CEP63: variants seen among roughly 807,000 people sequenced by gnomAD.
CEP63 encodes centrosomal protein of 63 kDa.
A neutral mutation model predicts 89.1 loss-of-function variants in CEP63; 84 were observed. That is an observed-to-expected ratio of 0.94 (90% CI 0.79 to 1.13). The LOEUF (loss-of-function observed/expected upper bound fraction) is 1.13, where lower values mean the gene tolerates loss of function less well. Ranked by LOEUF, CEP63 falls within the 50% of genes most tolerant of loss-of-function variation. The pLI is 0.00. For synonymous variants in CEP63, 267 were observed against 272.5 expected (o/e 0.98, Z 0.20); for missense variants, 838 against 813.3 (o/e 1.03, Z -0.37).
Position 134,541,199 on chromosome 3 carries a change from C to G in CEP63, c.555+3931C>G, listed in dbSNP as rs75509866. 3.0e-3 allele frequency among the ~76,000 whole-genome samples: 455 copies of G among 152,132 alleles called. 16 individuals carry two copies. The East Asian group carries it at 0.07, about 23-fold the overall frequency. ...TACTCAATTTACCTTAATTTTTGCC[C>G]AGTATTTTTTATGGAAGTACAATTG... On this transcript the variant is annotated intron_variant, in intron 6 of 14. Transcript: ENST00000675561.
the CEP63 span, chr3:134,597,826 A>G: frequency 7.9e-5 from 12 of 152,202 alleles, no homozygotes; most frequent in African/African-American, 2.9e-4. Context: ...CACTGTTTAC[A>G]TTCCTACTGT....
chr3:134,524,533 T>C (rs1024563143), intron 3 of CEP63, among the ~76,000 whole-genome samples: 10 of 152,188 alleles, frequency 6.6e-5, no homozygotes, highest in Non-Finnish European at 1.5e-4. Context: ...TAGATGGCTC[T>C]TACTATTTTG....
chr3:134,695,613 T>C, the CEP63 span, among the ~76,000 whole-genome samples: 346 of 151,966 alleles, frequency 2.3e-3, 2 homozygotes, highest in African/African-American at 7.2e-3. Context: ...AGCAGTAAGG[T>C]CTTATAGACT....
chr3:134,610,406 G>A, the CEP63 span: 5 of 1,597,002 alleles, frequency 3.1e-6, no homozygotes, highest in Non-Finnish European at 4.3e-6. Context: ...CAGGGGGTCT[G>A]AGAGGGGGAT....
chr3:134,651,014 G>A, the CEP63 span: 1 of 1,609,386 alleles, frequency 6.2e-7, no homozygotes. Context: ...GGCTGCTTGC[G>A]CTGCAAATGG....
chr3:134,531,725 A>C, intron 3 of CEP63, 120 bp from the exon 4 acceptor site: 1 of 756,786 alleles, frequency 1.3e-6, no homozygotes, highest in Non-Finnish European at 2.3e-6. Flanking sequence ...GTATCACCAT[A>C]TATATGCATT....
At chr3:134,653,836 C>T in the CEP63 span, among the ~76,000 whole-genome samples, 1 of 152,200 alleles carries the variant, frequency 6.6e-6, no homozygotes, top group Non-Finnish European at 1.5e-5. Context: ...CAAACCCACA[C>T]ATGCTTCAAC....
chr3:134,770,155 T>A, the CEP63 span, among the ~76,000 whole-genome samples: 2 of 152,244 alleles, frequency 1.3e-5, no homozygotes, highest in South Asian at 4.1e-4. Context: ...GAGGCCCAGA[T>A]TATGGTTCTG....
At chr3:134,561,157 C>T (rs561279884) in intron 14 of CEP63, among the ~76,000 whole-genome samples, 1 of 152,144 alleles carries the variant, frequency 6.6e-6, no homozygotes, top group Non-Finnish European at 1.5e-5. Flanking sequence ...TACATTGTTA[C>T]AATTTGGGTC....
chr3:134,634,506 A>G, the CEP63 span, among the ~76,000 whole-genome samples: 1 of 152,244 alleles, frequency 6.6e-6, no homozygotes, highest in Admixed American at 6.5e-5. Context: ...GGGCAAAAGA[A>G]TAGATATTTT....
chr3:134,720,432 G>T, the CEP63 span, among the ~76,000 whole-genome samples: 1 of 152,034 alleles, frequency 6.6e-6, no homozygotes, highest in Non-Finnish European at 1.5e-5. Context: ...CTTTCTTAAT[G>T]ATGTCCTTTG....
intron 3 of CEP63, among the ~76,000 whole-genome samples, chr3:134,530,631 G>A (rs1201902524): frequency 6.6e-6 from 1 of 151,964 alleles, no homozygotes; most frequent in Non-Finnish European, 1.5e-5. Context: ...TTAGTTTTAA[G>A]CTCAGAAAAT....
At chr3:134,652,730 A>T in the CEP63 span, among the ~76,000 whole-genome samples, 2 of 152,064 alleles carry the variant, frequency 1.3e-5, no homozygotes, top group Non-Finnish European at 2.9e-5. Flanking sequence ...ACTATGCATT[A>T]TGCAAAGCTC....
the CEP63 span, among the ~76,000 whole-genome samples, chr3:134,693,826 T>C: frequency 2.3e-3 from 345 of 152,312 alleles, 2 homozygotes; most frequent in African/African-American, 7.1e-3. Context: ...AGGAGTTTTT[T>C]GCCTCACGTG....
At chr3:134,716,959 T>C in the CEP63 span, among the ~76,000 whole-genome samples, 1 of 152,156 alleles carries the variant, frequency 6.6e-6, no homozygotes, top group Non-Finnish European at 1.5e-5. Context: ...GTGCTGAGCA[T>C]AAACTTACTG....
At chr3:134,700,863 C>T in the CEP63 span, among the ~76,000 whole-genome samples, 2 of 152,232 alleles carry the variant, frequency 1.3e-5, no homozygotes, top group East Asian at 3.9e-4. Flanking sequence ...AAACCAGCTC[C>T]TTCTTGGCTC....
chr3:134,722,974 A>C, the CEP63 span, among the ~76,000 whole-genome samples: 1 of 152,212 alleles, frequency 6.6e-6, no homozygotes, highest in Non-Finnish European at 1.5e-5. Context: ...ACTATCTATT[A>C]GTCAATGTTC....
intron 3 of CEP63, among the ~76,000 whole-genome samples, chr3:134,507,651 A>G (rs1456476833): frequency 2.0e-5 from 3 of 152,198 alleles, no homozygotes; most frequent in African/African-American, 7.2e-5. Context: ...ATTACAAAAG[A>G]AGTTCCAGAT....
At chr3:134,497,271 A>C (rs1940423182) in intron 2 of CEP63, among the ~76,000 whole-genome samples, 1 of 152,184 alleles carries the variant, frequency 6.6e-6, no homozygotes, top group South Asian at 2.1e-4. Context: ...TAGTTTAACT[A>C]GGTCCCAATT....
Sources: allele counts gnomAD v4.1 joint callset (sites outside exome capture counted in the v4.1 genomes callset), GRCh38; gene constraint gnomAD v4.1.1; transcripts MANE v1.5; gene names NCBI Gene and HGNC (gene_info 2026-07-23, HGNC 2026-07-21).